Variants in CADPS2 observed in about 807,000 individuals in gnomAD.
CADPS2 encodes calcium-dependent secretion activator 2.
In CADPS2, 93 loss-of-function variants were observed where a neutral mutation model predicts 172.5. The ratio of observed to expected loss-of-function variants is 0.54; its 90% CI spans 0.46 to 0.64. The LOEUF (loss-of-function observed/expected upper bound fraction) is 0.64, where lower values mean the gene tolerates loss of function less well. Among genes scored for constraint, CADPS2 ranks in the 30% least tolerant of loss-of-function variants. The pLI, the probability that CADPS2 is intolerant of heterozygous loss-of-function variation, is 0.00. For synonymous variants in CADPS2, 546 were observed against 555.2 expected (o/e 0.98, Z 0.23); for missense variants, 1,420 against 1,565.9 (o/e 0.91, Z 1.57).
At chr7:122,823,024 C>T (rs1477603791) in intron 1 of CADPS2, among the ~76,000 whole-genome samples, 2 of 152,140 alleles carry the variant, frequency 1.3e-5, no homozygotes, top group Non-Finnish European at 2.9e-5. Context: ...GAGATGATAT[C>T]TCATTATAGT....
rs1008163151 is a variant in CADPS2 at position 122,399,660 on chromosome 7, C to CTTT, written c.2747-6081_2747-6079dup. Among the ~76,000 whole-genome samples, 77 of 51,224 alleles carry CTTT rather than the reference C, an allele frequency of 1.5e-3. 14 individuals are homozygous for CTTT. The highest frequency in any genetic ancestry group is 2.0e-3 in the Non-Finnish European group (53 of 27,068). 33.6% of individuals were successfully genotyped at this position (51,224 alleles called of 152,430 possible). A position where few individuals can be genotyped will look rare whatever the true frequency, so the allele number is the denominator to read the frequency against. ...CGATAACTCTCTCAAGGGTGGGTTT[C>CTTT]TTTTTTTTTTTTTTTTTTTTTTTTT... On this transcript the variant is annotated intron_variant, in intron 20 of 29. Coordinates refer to ENST00000449022, the MANE Select transcript of CADPS2 (RefSeq NM_017954.11).
intron 6 of CADPS2, among the ~76,000 whole-genome samples, chr7:122,610,932 G>C (rs937218302): frequency 6.6e-6 from 1 of 152,112 alleles, no homozygotes; most frequent in African/African-American, 2.4e-5. Context: ...CCTGGGGCTT[G>C]TATTCCCTGC....
rs189670060 is a variant in CADPS2 at position 122,759,670 on chromosome 7, T to C, written c.340-22602A>G. On this transcript the variant is annotated intron_variant, in intron 1 of 29. Transcript: ENST00000449022. ...GAGGACTTCAATGATTTTAATGGAT[T>C]ACTGAGTAGTATTCAGAAATGAGAC... Among the ~76,000 whole-genome samples the C allele has an allele frequency of 1.8e-3, 271 of 152,278 alleles. 1 individual carries two copies. Among genetic ancestry groups the C allele is most frequent in the Non-Finnish European group, 3.5e-3 (236 of 68,012 alleles).
intron 1 of CADPS2, among the ~76,000 whole-genome samples, chr7:122,815,164 G>A (rs982859279): frequency 6.6e-6 from 1 of 152,128 alleles, no homozygotes; most frequent in East Asian, 1.9e-4. Flanking sequence ...AGTGGTTTGA[G>A]CGTGTTACTC....
At chr7:122,634,517 A>G (rs2076875627) in intron 3 of CADPS2, among the ~76,000 whole-genome samples, 1 of 152,160 alleles carries the variant, frequency 6.6e-6, no homozygotes, top group South Asian at 2.1e-4. Flanking sequence ...GATATTCTGT[A>G]AATCCATCTT....
intron 17 of CADPS2, among the ~76,000 whole-genome samples, chr7:122,418,635 T>C (rs564134122): frequency 7.9e-4 from 120 of 152,172 alleles, no homozygotes; most frequent in Middle Eastern, 3.4e-3. Flanking sequence ...ATAGTAGGAA[T>C]AGAAAAGAAG....
intron 6 of CADPS2, among the ~76,000 whole-genome samples, chr7:122,583,125 G>A (rs1402800595): frequency 1.3e-5 from 2 of 151,162 alleles, no homozygotes; most frequent in African/African-American, 4.8e-5. Context: ...TGAACTTCCA[G>A]AGAACTATCT....
chr7:122,810,337 C>T (rs1799753272), intron 1 of CADPS2, among the ~76,000 whole-genome samples: 1 of 152,094 alleles, frequency 6.6e-6, no homozygotes, highest in African/African-American at 2.4e-5. Flanking sequence ...ATTTAGTGCA[C>T]ACAGAATTTG....
chr7:122,552,046 G>C (rs1387217192), intron 8 of CADPS2, among the ~76,000 whole-genome samples: 3 of 152,140 alleles, frequency 2.0e-5, no homozygotes, highest in Non-Finnish European at 4.4e-5. Flanking sequence ...GTTACCACAT[G>C]GGTACTGAGA....
At chr7:122,590,237 G>T (rs2070556645) in intron 6 of CADPS2, among the ~76,000 whole-genome samples, 1 of 151,712 alleles carries the variant, frequency 6.6e-6, no homozygotes, top group South Asian at 2.1e-4. Flanking sequence ...AAAAAATAAT[G>T]GCAATCAAAA....
At chr7:122,763,897 T>C (rs1408137718) in intron 1 of CADPS2, among the ~76,000 whole-genome samples, 1 of 152,162 alleles carries the variant, frequency 6.6e-6, no homozygotes, top group Non-Finnish European at 1.5e-5. Context: ...CTATTTTATA[T>C]GACATGGGAT....
intron 25 of CADPS2, among the ~76,000 whole-genome samples, chr7:122,370,543 T>C (rs2041637318): frequency 6.6e-6 from 1 of 152,196 alleles, no homozygotes; most frequent in African/African-American, 2.4e-5. Flanking sequence ...CTGGATTATA[T>C]GACAAGCAGT....
chr7:122,839,581 A>C (rs1809745388), intron 1 of CADPS2, among the ~76,000 whole-genome samples: 1 of 152,230 alleles, frequency 6.6e-6, no homozygotes, highest in Non-Finnish European at 1.5e-5. Context: ...ACAAATTTAC[A>C]GGAAAAAAAC....
intron 1 of CADPS2, among the ~76,000 whole-genome samples, chr7:122,762,150 A>G (rs986411831): frequency 3.3e-5 from 5 of 151,632 alleles, no homozygotes. Context: ...GAAAAGAAGT[A>G]CTCAATAGAG....
Position 122,705,948 on chromosome 7 carries a change from T to TATATATTATATA in CADPS2, c.453+31006_453+31007insTATATAATATAT, listed in dbSNP as rs2087245057. ...ATATATAATATATTATATAATATAA[T>TATATATTATATA]ATATAATATATATATAATATAATAT... On this transcript the variant is annotated intron_variant, in intron 2 of 29. Coordinates refer to ENST00000449022, the MANE Select transcript of CADPS2 (RefSeq NM_017954.11). Among the ~76,000 whole-genome samples, 2 of 474 alleles carry TATATATTATATA rather than the reference T, an allele frequency of 4.2e-3. 1 individual carries two copies. The highest frequency in any genetic ancestry group is 4.5e-3 in the African/African-American group (2 of 448). The allele number at this position is 474 out of a possible 152,430, so 0.3% of individuals were successfully genotyped here.
chr7:122,640,084 G>A (rs1460857499), intron 3 of CADPS2, among the ~76,000 whole-genome samples: 1 of 152,158 alleles, frequency 6.6e-6, no homozygotes, highest in African/African-American at 2.4e-5. Flanking sequence ...GTAATGCCGT[G>A]TGATAAATGG....
intron 1 of CADPS2, among the ~76,000 whole-genome samples, chr7:122,759,185 C>T (rs1472125817): frequency 6.6e-6 from 1 of 152,092 alleles, no homozygotes; most frequent in African/African-American, 2.4e-5. Context: ...TGGAGCTTGT[C>T]TGTTTGGGTT....
intron 2 of CADPS2, among the ~76,000 whole-genome samples, chr7:122,712,766 G>A (rs181703551): frequency 6.6e-6 from 1 of 152,064 alleles, no homozygotes; most frequent in Non-Finnish European, 1.5e-5. Flanking sequence ...TAGATTTGGT[G>A]TCTCATGAGG....
intron 1 of CADPS2, among the ~76,000 whole-genome samples, chr7:122,874,226 T>A (rs1420037944): frequency 6.6e-6 from 1 of 152,158 alleles, no homozygotes; most frequent in East Asian, 1.9e-4. Flanking sequence ...AGTCATAAAG[T>A]CTGCCCTTGC....
Sources: gnomAD v4.1 joint callset for allele counts (sites outside exome capture counted in the v4.1 genomes callset) on GRCh38, gnomAD v4.1.1 for gene constraint, MANE v1.5 for transcripts, NCBI Gene and HGNC (gene_info 2026-07-23, HGNC 2026-07-21) for gene names.